Variants in GSE1 observed in about 807,000 individuals in gnomAD.
GSE1 encodes the protein genetic suppressor element 1.
Under a neutral mutation model 112.6 loss-of-function variants are expected in GSE1, and 32 were observed. The ratio of observed to expected loss-of-function variants is 0.28; its 90% CI spans 0.21 to 0.38. The LOEUF (loss-of-function observed/expected upper bound fraction) is 0.38. Among genes scored for constraint, GSE1 ranks in the 10% least tolerant of loss-of-function variants. GSE1 has a pLI of 1.00. For missense variants in GSE1, 2,348 were observed against 1,699.2 expected (o/e 1.38, Z -6.71); for synonymous variants, 1,115 against 735.6 (o/e 1.52, Z -8.35).
intron 1 of GSE1, among the ~76,000 whole-genome samples, chr16:85,577,320 G>A (rs969241433): frequency 6.6e-6 from 1 of 152,224 alleles, no homozygotes; most frequent in African/African-American, 2.4e-5. Context: ...GGTCCTCTCA[G>A]GGAAGTGGGG....
intron 2 of GSE1, among the ~76,000 whole-genome samples, chr16:85,390,770 C>T (rs961900568): frequency 7.1e-6 from 1 of 140,006 alleles, no homozygotes; most frequent in African/African-American, 2.6e-5. Flanking sequence ...CCCGTGCTGG[C>T]CTTGCCTGCT....
chr16:85,629,570 C>T (rs1415981128), intron 1 of GSE1, among the ~76,000 whole-genome samples: 1 of 152,226 alleles, frequency 6.6e-6, no homozygotes, highest in South Asian at 2.1e-4. Context: ...CTGAGGTCAT[C>T]TCAGCCCTGC....
intron 2 of GSE1, among the ~76,000 whole-genome samples, chr16:85,449,972 G>A (rs2049628322): frequency 6.6e-6 from 1 of 152,178 alleles, no homozygotes; most frequent in African/African-American, 2.4e-5. Flanking sequence ...AAAAGGAAGG[G>A]CCTAGTCTCA....
chr16:85,397,240 G>A (rs2047987926), intron 2 of GSE1, among the ~76,000 whole-genome samples: 1 of 152,216 alleles, frequency 6.6e-6, no homozygotes, highest in East Asian at 1.9e-4. Context: ...CTTTTGCATT[G>A]GGGGAAGCAG....
chr16:85,223,218 C>G (rs539233900), intron 1 of GSE1, among the ~76,000 whole-genome samples: 1 of 152,300 alleles, frequency 6.6e-6, no homozygotes, highest in Admixed American at 6.5e-5. Flanking sequence ...TGTTTTTAAC[C>G]CTTTTAAAAT....
intron 8 of GSE1, 27 bp downstream of exon 8, chr16:85,657,631 G>T (rs2052078936): frequency 6.9e-7 from 1 of 1,448,258 alleles, no homozygotes; most frequent in South Asian, 1.4e-5. Flanking sequence ...AAGGAAGGAG[G>T]GATGAGCCTT....
intron 1 of GSE1, among the ~76,000 whole-genome samples, chr16:85,338,295 C>A (rs976992812): frequency 2.0e-5 from 3 of 152,254 alleles, no homozygotes; most frequent in African/African-American, 7.2e-5. Context: ...GCTGGTGAAC[C>A]TCTTTCCTGC....
At chr16:85,341,706 C>T (rs1429491180) in intron 1 of GSE1, among the ~76,000 whole-genome samples, 5 of 152,024 alleles carry the variant, frequency 3.3e-5, no homozygotes, top group Admixed American at 1.3e-4. Flanking sequence ...TGCTATGTTG[C>T]CCAGGCTGGT....
chr16:85,204,308 T>C (rs1368901950), intron 1 of GSE1, among the ~76,000 whole-genome samples: 1 of 152,270 alleles, frequency 6.6e-6, no homozygotes, highest in Non-Finnish European at 1.5e-5. Context: ...GGCCGGATAA[T>C]ACTCCACTGT....
chr16:85,498,253 G>A (rs532510606), intron 2 of GSE1, among the ~76,000 whole-genome samples: 10 of 152,268 alleles, frequency 6.6e-5, no homozygotes, highest in African/African-American at 2.4e-4. Context: ...GGTGTCCTCA[G>A]TGAGTCCCCT....
chr16:85,587,431 C>A (rs1284000758), intron 1 of GSE1, among the ~76,000 whole-genome samples: 3 of 152,224 alleles, frequency 2.0e-5, no homozygotes, highest in African/African-American at 7.2e-5. Context: ...CACAGCAGAA[C>A]TGATCACGGC....
At chr16:85,298,537 C>T (rs985811421) in intron 1 of GSE1, among the ~76,000 whole-genome samples, 2 of 152,230 alleles carry the variant, frequency 1.3e-5, no homozygotes, top group African/African-American at 4.8e-5. Flanking sequence ...AAGCAATTCT[C>T]CTGCTTCGGC....
chr16:85,255,296 C>T (rs1906951208), intron 1 of GSE1, among the ~76,000 whole-genome samples: 1 of 152,202 alleles, frequency 6.6e-6, no homozygotes, highest in Non-Finnish European at 1.5e-5. Flanking sequence ...CCTGAAAGCC[C>T]AGCTGCCGGC....
chr16:85,412,798 C>G (rs551680894), intron 2 of GSE1, among the ~76,000 whole-genome samples: 3 of 152,252 alleles, frequency 2.0e-5, no homozygotes, highest in Admixed American at 1.3e-4. Context: ...TCCAGTGCAA[C>G]TGTTGATTTA....
At chr16:85,655,659 C>A in intron 5 of GSE1, 67 bp from the exon 6 acceptor site, 1 of 1,069,146 alleles carries the variant, frequency 9.4e-7, no homozygotes, top group Non-Finnish European at 1.4e-6. Context: ...CTGAGACACA[C>A]CTGTCGACAG....
At chr16:85,518,414 TCA>T (rs1426657716) in intron 2 of GSE1, among the ~76,000 whole-genome samples, 4 of 152,100 alleles carry the variant, frequency 2.6e-5, no homozygotes, top group Non-Finnish European at 5.9e-5. Context: ...TCATTCGCTG[TCA>T]CACAGGGATG....
At chr16:85,372,406 G>A (rs1025525276) in intron 2 of GSE1, among the ~76,000 whole-genome samples, 1 of 150,998 alleles carries the variant, frequency 6.6e-6, no homozygotes, top group Non-Finnish European at 1.5e-5. Context: ...CTTAGCCTGG[G>A]AGGTTGAGGC....
intron 2 of GSE1, among the ~76,000 whole-genome samples, chr16:85,358,988 T>C (rs1457820768): frequency 1.3e-5 from 2 of 152,232 alleles, no homozygotes; most frequent in Non-Finnish European, 2.9e-5. Flanking sequence ...TGGGAGTGCC[T>C]GGCTCACGGG....
At chr16:85,660,395 G>A (rs1217657093) in intron 8 of GSE1, among the ~76,000 whole-genome samples, 1 of 152,140 alleles carries the variant, frequency 6.6e-6, no homozygotes, top group African/African-American at 2.4e-5. Context: ...CCAGCACTTC[G>A]GGAGGCCAAG....
Sources: gnomAD v4.1 joint callset for allele counts (sites outside exome capture counted in the v4.1 genomes callset) on GRCh38, gnomAD v4.1.1 for gene constraint, MANE v1.5 for transcripts, NCBI Gene and HGNC (gene_info 2026-07-23, HGNC 2026-07-21) for gene names.